The following FCGR2B variants were observed in gnomAD, a reference collection of about 807,000 sequenced individuals.
The protein encoded by FCGR2B is Fc gamma receptor IIb, also known as low affinity immunoglobulin gamma Fc region receptor II-b.
Under a neutral mutation model 24.8 loss-of-function variants are expected in FCGR2B, and 18 were observed. That is an observed-to-expected ratio of 0.73 (90% CI 0.50 to 1.08). The LOEUF (loss-of-function observed/expected upper bound fraction) is 1.08, where lower values mean the gene tolerates loss of function less well. Ranked by LOEUF, FCGR2B falls within the 50% of genes least tolerant of loss-of-function variation. The pLI, the probability that FCGR2B is intolerant of heterozygous loss-of-function variation, is 0.00. For missense variants in FCGR2B, 215 were observed against 297.6 expected, an observed-to-expected ratio of 0.72 and a Z score of 2.04; for synonymous variants, 79 against 109.8, an observed-to-expected ratio of 0.72 and a Z score of 1.75.
chr1:161,661,416 A>T (rs1173238333), upstream of FCGR2B, among the ~76,000 whole-genome samples: 1 of 109,078 alleles, frequency 9.2e-6, no homozygotes, highest in Non-Finnish European at 1.9e-5. Context: ...TTTCCCTTAC[A>T]ACACGTGGAT....
At chr1:161,647,575 C>G in the FCGR2B span, among the ~76,000 whole-genome samples, 1 of 150,672 alleles carries the variant, frequency 6.6e-6, no homozygotes, top group South Asian at 2.1e-4. Flanking sequence ...AAAGTGCTAG[C>G]ATTAGAGGTG....
rs192390374 is a variant in FCGR2B at position 161,678,286 on chromosome 1, G to T, written c.*733G>T. On this transcript the variant is annotated 3_prime_UTR_variant, in exon 8 of 8. Transcript: ENST00000358671. Reference sequence around the variant, plus strand: ...TCAACAACAGACTGCATATATGATGGTGATCCCATAAAATTATAATACCAT... The same window carrying T: ...TCAACAACAGACTGCATATATGATGTTGATCCCATAAAATTATAATACCAT... The T allele has an allele frequency of 4.3e-4, 95 of 218,562 alleles. No individual in the cohort carries two copies. The highest frequency in any genetic ancestry group is 1.4e-3 in the Middle Eastern group (1 of 698). 13.5% of individuals were successfully genotyped at this position (218,562 alleles called of 1,614,324 possible).
chr1:161,675,069 T>C (rs1190729625), intron 5 of FCGR2B, 188 bp from the exon 6 acceptor site: 4 of 542,618 alleles, frequency 7.4e-6, no homozygotes, highest in Admixed American at 7.6e-5. Context: ...AGCTGAATTC[T>C]GCCTCTGGAC....
At chr1:161,671,755 G>A in intron 3 of FCGR2B, 106 bp downstream of exon 3, 2 of 1,570,658 alleles carry the variant, frequency 1.3e-6, no homozygotes, top group Non-Finnish European at 1.7e-6. Flanking sequence ...TTACTGGGAA[G>A]TATCGCTGTG....
At chr1:161,652,210 A>G in the FCGR2B span, among the ~76,000 whole-genome samples, 7 of 132,218 alleles carry the variant, frequency 5.3e-5, 1 homozygote, top group Admixed American at 1.7e-4. Context: ...TTCTTTCTCT[A>G]TTCTCTGGGA....
At position 161,677,352 on chromosome 1, in the gene FCGR2B, C is replaced by T. The variant is rs1217170992; in HGVS notation, c.842C>T (p.Ala281Val). 2 of 1,613,678 alleles carry T rather than the reference C, an allele frequency of 1.2e-6. No individual in the cohort carries two copies. The highest frequency in any genetic ancestry group is 2.7e-5 in the African/African-American group (2 of 74,874). ...GCCAATCCCACTAATCCTGATGAGG[C>T]TGACAAAGTTGGGGTGAGTGATCCC... ...KPANPTNPDE[A>V]DKVGAENTIT... Residue 281 changes from alanine to valine, a missense_variant, in exon 7 of 8, where the codon GCT becomes GTT. This residue lies in a region of FCGR2B where 81 missense variants were observed against 81.6 expected (regional missense o/e 0.99). Coordinates refer to ENST00000358671, the MANE Select transcript of FCGR2B (RefSeq NM_001394477.1).
At chr1:161,672,465 C>G (rs1459190986) in intron 3 of FCGR2B, 1 of 174,456 alleles carries the variant, frequency 5.7e-6, no homozygotes, top group South Asian at 1.4e-4. Flanking sequence ...TTAACATTCC[C>G]GAAGTAAATT....
rs1255481787 is a variant in FCGR2B at position 161,677,703 on chromosome 1, G to T, written c.*150G>T. ...CAGAGTCATCTACCTGAGTCCTGAAGCTCCCTGTCCTGAAAGCCACAGACA... is the reference window on the plus strand; with the variant it reads ...CAGAGTCATCTACCTGAGTCCTGAATCTCCCTGTCCTGAAAGCCACAGACA... On this transcript the variant is annotated 3_prime_UTR_variant, in exon 8 of 8. Coordinates refer to ENST00000358671, the MANE Select transcript of FCGR2B (RefSeq NM_001394477.1). 3.1e-6 allele frequency: 2 copies of T among 637,060 alleles called. No homozygotes were observed. Among genetic ancestry groups the T allele is most frequent in the Non-Finnish European group, 5.5e-6 (2 of 366,182 alleles). The allele number at this position is 637,060 out of a possible 1,614,324, so 39.5% of individuals were successfully genotyped here.
intron 3 of FCGR2B, chr1:161,672,016 C>T (rs1226774955): frequency 1.0e-5 from 3 of 298,992 alleles, no homozygotes; most frequent in South Asian, 4.3e-5. Context: ...TCACCTGCTC[C>T]GTGGGGCACT....
chr1:161,673,195 G>A lies in FCGR2B; in HGVS notation c.612G>A (p.Leu204=), dbSNP rs182968886. The part of the protein sequence containing the change: ...YHCTGNIGYT[L]YSSKPVTITV... ...GCACAGGAAACATAGGCTACACGCT[G>A]TACTCATCCAAGCCTGTGACCATCA... Residue 204 remains leucine, a synonymous_variant, in exon 4 of 8, where the codon CTG becomes CTA. Transcript: ENST00000358671. 180,797 of 1,604,688 alleles carry A rather than the reference G, an allele frequency of 0.11. 8,778 individuals carry two copies. Among genetic ancestry groups the A allele is most frequent in the African/African-American group, 0.15 (11,221 of 73,410 alleles).
At chr1:161,647,284 T>C in the FCGR2B span, among the ~76,000 whole-genome samples, 8 of 146,896 alleles carry the variant, frequency 5.4e-5, no homozygotes, top group Non-Finnish European at 6.0e-5. Context: ...CCGGGTTCTC[T>C]TTGCTCTGGA....
the FCGR2B span, among the ~76,000 whole-genome samples, chr1:161,647,587 G>A: frequency 6.6e-6 from 1 of 150,714 alleles, no homozygotes; most frequent in African/African-American, 2.5e-5. Flanking sequence ...TTAGAGGTGT[G>A]AGCCACTGTG....
At chr1:161,661,255 AAAGAAAGGAAGGAAGC>A (rs1557895294), upstream of FCGR2B, among the ~76,000 whole-genome samples, 2 of 36,150 alleles carry the variant, frequency 5.5e-5, no homozygotes, top group African/African-American at 1.0e-4. Flanking sequence ...AGAAAGAAAG[AAAGAAAGGAAGGAAGC>A]AAGAAAGGAA....
In FCGR2B at chr1:161,673,124, T is replaced by G; in HGVS notation, c.541T>G (p.Phe181Val). The change falls in exon 4 of 8, where the codon TTC becomes GTC. Residue 181 changes from phenylalanine to valine, a missense_variant. By Grantham distance (50) the Phe-to-Val change is conservative (BLOSUM62 -1). Coordinates refer to ENST00000358671, the MANE Select transcript of FCGR2B (RefSeq NM_001394477.1). ...GAAATTTTCCCGTTCGGATCCCAAC[T>G]TCTCCATCCCACAAGCAAACCACAG... ...SKKFSRSDPN[F>V]SIPQANHSHS... 6.2e-7 allele frequency: 1 copy of G among 1,612,492 alleles called. No homozygotes were observed. Among genetic ancestry groups the G allele is most frequent in the Non-Finnish European group, 8.5e-7 (1 of 1,179,054 alleles).
At chr1:161,648,194 G>A in the FCGR2B span, among the ~76,000 whole-genome samples, 5 of 148,602 alleles carry the variant, frequency 3.4e-5, no homozygotes, top group African/African-American at 1.0e-4. Flanking sequence ...ATCCTGTGCC[G>A]TGGGGCAGCT....
rs1333994460 is a variant in FCGR2B, at chr1:161,677,659, C to CA, written c.*110dup. The CA allele has an allele frequency of 4.0e-5, 35 of 881,128 alleles. No individual in the cohort carries two copies. The highest frequency in any genetic ancestry group is 5.8e-5 in the Non-Finnish European group (32 of 554,284). 54.6% of individuals were successfully genotyped at this position (881,128 alleles called of 1,614,324 possible). A position where few individuals can be genotyped will look rare whatever the true frequency, so the allele number is the denominator to read the frequency against. On this transcript the variant is annotated 3_prime_UTR_variant, in exon 8 of 8. Transcript: ENST00000358671. ...GGAGGACAGGGAGATGCTGCAGTTCCAAAAGAGAAGGTTTCTTCCAGAGTC... is the reference window on the plus strand; with the variant it reads ...GGAGGACAGGGAGATGCTGCAGTTCCAAAAAGAGAAGGTTTCTTCCAGAGTC...
At chr1:161,671,253 A>G (rs1681626385) in intron 2 of FCGR2B, 139 bp from the exon 3 acceptor site, 1 of 1,416,922 alleles carries the variant, frequency 7.1e-7, no homozygotes, top group Non-Finnish European at 9.6e-7. Flanking sequence ...AACTGCCTTC[A>G]GTTGCAGAAC....
At chr1:161,670,993 T>C (rs1294402835) in intron 2 of FCGR2B, among the ~76,000 whole-genome samples, 1 of 151,610 alleles carries the variant, frequency 6.6e-6, no homozygotes, top group Non-Finnish European at 1.5e-5. Flanking sequence ...TATCCACTAG[T>C]GTCTAAATGC....
Position 161,677,636 on chromosome 1 carries a change from A to C in FCGR2B, c.*83A>C. ...TTCCTGGCCTAAATTCCCCTTGGGG[A>C]GGACAGGGAGATGCTGCAGTTCCAA... On this transcript the variant is annotated 3_prime_UTR_variant, in exon 8 of 8. Coordinates refer to ENST00000358671, the MANE Select transcript of FCGR2B (RefSeq NM_001394477.1). 1 of 1,090,912 alleles carries C rather than the reference A, an allele frequency of 9.2e-7. No individual in the cohort carries two copies. The highest frequency in any genetic ancestry group is 1.4e-6 in the Non-Finnish European group (1 of 728,136). The allele number at this position is 1,090,912 out of a possible 1,614,324, so 67.6% of individuals were successfully genotyped here.
Sources: allele counts gnomAD v4.1 joint callset (sites outside exome capture counted in the v4.1 genomes callset), GRCh38; gene constraint gnomAD v4.1.1; regional missense constraint gnomAD v4.1.1; transcripts MANE v1.5; gene names NCBI Gene and HGNC (gene_info 2026-07-23, HGNC 2026-07-21).